The following KLHL1 variants were observed in gnomAD, a reference collection of about 807,000 sequenced individuals.
KLHL1 encodes kelch-like protein 1.
Under a neutral mutation model 77.7 loss-of-function variants are expected in KLHL1, and 47 were observed. The observed-to-expected ratio is 0.60, with a 90% CI of 0.48 to 0.77. The LOEUF (loss-of-function observed/expected upper bound fraction) is 0.77. Ranked by LOEUF, KLHL1 falls within the 30% of genes least tolerant of loss-of-function variation. The pLI, the probability that KLHL1 is intolerant of heterozygous loss-of-function variation, is 0.00. For synonymous variants in KLHL1, 360 were observed against 325.2 expected (o/e 1.11, Z -1.15); for missense variants, 925 against 910.8 (o/e 1.02, Z -0.20).
At chr13:70,028,865 T>C (rs1433680587) in intron 1 of KLHL1, among the ~76,000 whole-genome samples, 1 of 151,974 alleles carries the variant, frequency 6.6e-6, no homozygotes, top group Non-Finnish European at 1.5e-5. Flanking sequence ...TAGGCTCAAC[T>C]ACTTACAAGA....
chr13:69,726,299 G>A (rs140343380), intron 8 of KLHL1, among the ~76,000 whole-genome samples: 1,816 of 152,178 alleles, frequency 0.012, 106 homozygotes, highest in Admixed American at 0.1. Context: ...TGCCTTTGAA[G>A]AAACTCTCTA....
At chr13:70,094,393 T>TTATATATATATATA (rs369471818) in intron 1 of KLHL1, among the ~76,000 whole-genome samples, 1,451 of 137,136 alleles carry the variant, frequency 0.011, 67 homozygotes, top group African/African-American at 0.041. Context: ...GCAATCATCT[T>TTATATATATATATA]TATATATATA....
At chr13:69,947,028 TTGTGTGTGTGTGTGTGTGTG>T (rs59606834) in intron 3 of KLHL1, among the ~76,000 whole-genome samples, 32 of 146,012 alleles carry the variant, frequency 2.2e-4, no homozygotes, top group South Asian at 6.6e-4. Context: ...TGTGTGTGTG[TTGTGTGTGTGTGTGTGTGTG>T]TGTGTGTGTG....
intron 3 of KLHL1, among the ~76,000 whole-genome samples, chr13:69,961,016 C>A (rs1195924703): frequency 6.6e-6 from 1 of 151,934 alleles, no homozygotes; most frequent in Non-Finnish European, 1.5e-5. Flanking sequence ...TGGACATAAA[C>A]AAATTATTAT....
intron 5 of KLHL1, among the ~76,000 whole-genome samples, chr13:69,854,815 A>C (rs79200254): frequency 6.6e-6 from 1 of 152,190 alleles, no homozygotes; most frequent in Middle Eastern, 3.4e-3. Context: ...ACACTGTTAT[A>C]TGTGAAGGCC....
At chr13:70,007,872 T>G (rs928808065) in intron 1 of KLHL1, among the ~76,000 whole-genome samples, 5 of 151,930 alleles carry the variant, frequency 3.3e-5, no homozygotes, top group Non-Finnish European at 7.4e-5. Flanking sequence ...TAAGACATAT[T>G]TTTTGCACTG....
In KLHL1 at chr13:69,961,211, C is replaced by G. The variant is rs543806768; in HGVS notation, c.817+97G>C. On this transcript the variant is annotated intron_variant, in intron 3 of 10. Transcript: ENST00000377844. ...TTTTCAACTGAAAAGATACAGAATACAGAATTTTTTTTAAAAAAGCGTTAA... is the reference window on the plus strand; with the variant it reads ...TTTTCAACTGAAAAGATACAGAATAGAGAATTTTTTTTAAAAAAGCGTTAA... 1,326 of 1,155,590 alleles carry G rather than the reference C, an allele frequency of 1.1e-3. 21 individuals are homozygous for G. The South Asian group carries it at 0.018, about 15-fold the overall frequency. The allele number at this position is 1,155,590 out of a possible 1,614,324, so 71.6% of individuals were successfully genotyped here. A position where few individuals can be genotyped will look rare whatever the true frequency, so the allele number is the denominator to read the frequency against.
chr13:69,720,886 T>C (rs1873014793), intron 8 of KLHL1, among the ~76,000 whole-genome samples: 1 of 147,992 alleles, frequency 6.8e-6, no homozygotes, highest in African/African-American at 2.5e-5. Context: ...CAGGAAGCCA[T>C]AGTGGTTTTT....
chr13:69,984,346 C>T (rs1593650172), intron 1 of KLHL1, among the ~76,000 whole-genome samples: 2 of 152,082 alleles, frequency 1.3e-5, no homozygotes, highest in South Asian at 4.1e-4. Context: ...TGCTGGCAAT[C>T]GTGACAATAG....
chr13:69,724,454 G>T (rs9572248), intron 8 of KLHL1, among the ~76,000 whole-genome samples: 134,387 of 152,038 alleles, frequency 0.88, 59,643 homozygotes, highest in East Asian at 0.99. Flanking sequence ...TCTCAAATTC[G>T]TTCATATATT....
chr13:69,823,947 A>G (rs1000334784), intron 6 of KLHL1, among the ~76,000 whole-genome samples: 4 of 151,958 alleles, frequency 2.6e-5, no homozygotes, highest in African/African-American at 9.7e-5. Context: ...TCTCAGTATT[A>G]AGTCACCTTT....
intron 1 of KLHL1, among the ~76,000 whole-genome samples, chr13:70,093,514 A>G (rs1887718794): frequency 6.6e-6 from 1 of 152,202 alleles, no homozygotes; most frequent in African/African-American, 2.4e-5. Flanking sequence ...TAAAGAAAAA[A>G]TATCATATTC....
rs747203429 is a variant in KLHL1 at position 69,713,053 on chromosome 13, T to G, written c.2016-5257A>C. Among the ~76,000 whole-genome samples the G allele has an allele frequency of 2.6e-4, 39 of 152,228 alleles. 1 individual carries two copies. Among genetic ancestry groups the G allele is most frequent in the Non-Finnish European group, 2.9e-4 (20 of 68,002 alleles). Reference sequence around the variant, plus strand: ...CTATGTCACCCAGTCTGGTCACAAATTCCTGGGCTCAAGTGATCCACCTGA... The same window carrying G: ...CTATGTCACCCAGTCTGGTCACAAAGTCCTGGGCTCAAGTGATCCACCTGA... On this transcript the variant is annotated intron_variant, in intron 9 of 10. Coordinates refer to ENST00000377844, the MANE Select transcript of KLHL1 (RefSeq NM_020866.3).
At chr13:69,901,993 T>A (rs950273072) in intron 4 of KLHL1, among the ~76,000 whole-genome samples, 1 of 152,068 alleles carries the variant, frequency 6.6e-6, no homozygotes, top group African/African-American at 2.4e-5. Context: ...AGAGACAGGG[T>A]TTCTCCATCT....
intron 1 of KLHL1, among the ~76,000 whole-genome samples, chr13:70,104,332 G>A (rs1031526321): frequency 6.6e-6 from 1 of 152,098 alleles, no homozygotes; most frequent in Admixed American, 6.6e-5. Context: ...AGTAAGGTAA[G>A]AAAAAGGTTG....
chr13:69,810,411 A>G (rs983628472), intron 6 of KLHL1, among the ~76,000 whole-genome samples: 3 of 152,158 alleles, frequency 2.0e-5, no homozygotes, highest in Non-Finnish European at 1.5e-5. Context: ...GAATACATGT[A>G]TATTAAACAA....
rs1363296996 is a variant in KLHL1, at chr13:69,844,992, G to C, written c.1228-5830C>G. ...TTTGCTCCCGCAGGATGAGACATCT[G>C]TGAACCCACAAAAATAGCTAGCAAG... On this transcript the variant is annotated intron_variant, in intron 5 of 10. Coordinates refer to ENST00000377844, the MANE Select transcript of KLHL1 (RefSeq NM_020866.3). Among the ~76,000 whole-genome samples, 3 of 151,614 alleles carry C rather than the reference G, an allele frequency of 2.0e-5. No homozygotes were observed. The East Asian group carries it at 5.8e-4, about 29-fold the overall frequency.
chr13:70,026,582 C>G (rs1040623508), intron 1 of KLHL1, among the ~76,000 whole-genome samples: 1 of 151,906 alleles, frequency 6.6e-6, no homozygotes, highest in Non-Finnish European at 1.5e-5. Flanking sequence ...GGGTCCGTTC[C>G]CTCATGAGTA....
intron 3 of KLHL1, among the ~76,000 whole-genome samples, chr13:69,947,015 TTGTGTGTGTGTGTTGTGTGTGTGTGTGTG>T: frequency 6.9e-6 from 1 of 145,144 alleles, no homozygotes; most frequent in South Asian, 2.2e-4. Context: ...CCATACAAAA[TTGTGTGTGTGTGTTGTGTGTGTGTGTGTG>T]TGTGTGTGTG....
Sources: allele counts gnomAD v4.1 joint callset (sites outside exome capture counted in the v4.1 genomes callset), GRCh38; gene constraint gnomAD v4.1.1; transcripts MANE v1.5; gene names NCBI Gene and HGNC (gene_info 2026-07-23, HGNC 2026-07-21).